The following PPP1R1C variants were observed in gnomAD, a reference collection of about 807,000 sequenced individuals.
PPP1R1C encodes protein phosphatase 1 regulatory subunit 1C.
A neutral mutation model predicts 17.4 loss-of-function variants in PPP1R1C; 15 were observed. That is an observed-to-expected ratio of 0.86 (90% CI 0.58 to 1.33). The LOEUF is 1.33. Among genes scored for constraint, PPP1R1C ranks in the 40% most tolerant of loss-of-function variants. The pLI, the probability that PPP1R1C is intolerant of heterozygous loss-of-function variation, is 0.00. For synonymous variants in PPP1R1C, 35 were observed against 43.1 expected, an observed-to-expected ratio of 0.81 and a Z score of 0.73; for missense variants, 143 against 130.0, an observed-to-expected ratio of 1.10 and a Z score of -0.48.
In PPP1R1C at chr2:182,090,969, T is replaced by G. The variant is rs188694896; in HGVS notation, c.242-26238T>G. 3.2e-3 allele frequency among the ~76,000 whole-genome samples: 489 copies of G among 152,252 alleles called. 5 individuals carry two copies. The highest frequency in any genetic ancestry group is 6.2e-3 in the Non-Finnish European group (421 of 67,984). ...AATTGTCCACAAGTCCTACCTTCCTTTCCCAGAAACAAGTAATCAAAACTG... is the reference window on the plus strand; with the variant it reads ...AATTGTCCACAAGTCCTACCTTCCTGTCCCAGAAACAAGTAATCAAAACTG... On this transcript the variant is annotated intron_variant, in intron 4 of 4. Transcript: ENST00000682840.
rs186464388 is a variant in PPP1R1C, at chr2:181,960,203, G to A, written n.111+5569G>A. Among the ~76,000 whole-genome samples the A allele has an allele frequency of 5.3e-5, 8 of 152,256 alleles. No individual in the cohort carries two copies. In the East Asian group the frequency reaches 7.7e-4, roughly 15 times the overall value. On this transcript the variant is annotated intron_variant and non_coding_transcript_variant, in intron 1 of 5. Transcript: ENST00000464264. ...ATTAAGACGTGGTGGTTGAAAGAAA[G>A]AAAACCAAAAATTATAGTGGAGAAC...
At chr2:182,072,867 C>T (rs914604790) in intron 4 of PPP1R1C, among the ~76,000 whole-genome samples, 9 of 152,238 alleles carry the variant, frequency 5.9e-5, no homozygotes, top group African/African-American at 2.2e-4. Flanking sequence ...TTCTCTCCCT[C>T]TCCCAGACAG....
intron 4 of PPP1R1C, among the ~76,000 whole-genome samples, chr2:182,076,736 A>G (rs1688324612): frequency 1.3e-5 from 2 of 152,166 alleles, no homozygotes; most frequent in Admixed American, 6.5e-5. Flanking sequence ...TCAATTATGT[A>G]TGGCTGTAGT....
intron 2 of PPP1R1C, among the ~76,000 whole-genome samples, chr2:182,043,676 G>T (rs969281549): frequency 1.3e-5 from 2 of 150,782 alleles, no homozygotes; most frequent in Non-Finnish European, 3.0e-5. Flanking sequence ...TTACCATGAG[G>T]TTTCCCCTCG....
intron 2 of PPP1R1C, among the ~76,000 whole-genome samples, chr2:181,989,532 T>G (rs1374104844): frequency 6.6e-6 from 1 of 152,180 alleles, no homozygotes; most frequent in Non-Finnish European, 1.5e-5. Flanking sequence ...GACTAGTCAT[T>G]CAGGCCCTAT....
chr2:181,984,814 C>T (rs886560675), upstream of PPP1R1C, among the ~76,000 whole-genome samples: 2 of 152,140 alleles, frequency 1.3e-5, no homozygotes, highest in Non-Finnish European at 2.9e-5. Flanking sequence ...GTATTCATCA[C>T]ATAATGCCTC....
intron 2 of PPP1R1C, among the ~76,000 whole-genome samples, chr2:181,992,554 C>T (rs1350733641): frequency 7.5e-6 from 1 of 134,012 alleles, no homozygotes; most frequent in Non-Finnish European, 1.7e-5. Context: ...ATTTAATGGA[C>T]CTGACGCCTA....
exon 6 of PPP1R1C, chr2:182,129,383 T>C (rs1478821563): frequency 4.6e-5 from 7 of 152,158 alleles, no homozygotes; most frequent in Admixed American, 3.9e-4. Flanking sequence ...TTTTTCAAAT[T>C]CCACTGTGTT....
chr2:181,989,165 C>G (rs1055891830), intron 2 of PPP1R1C, among the ~76,000 whole-genome samples: 2 of 152,180 alleles, frequency 1.3e-5, no homozygotes, highest in Non-Finnish European at 2.9e-5. Context: ...CCTCCCTATG[C>G]CTGCCTTAAG....
intron 3 of PPP1R1C, among the ~76,000 whole-genome samples, chr2:182,062,209 GA>G: frequency 6.6e-6 from 1 of 152,046 alleles, no homozygotes; most frequent in East Asian, 1.9e-4. Flanking sequence ...ATGTAGAATG[GA>G]CAAAATATCA....
downstream of PPP1R1C, among the ~76,000 whole-genome samples, chr2:182,118,863 C>T (rs1169604028): frequency 1.3e-5 from 2 of 151,040 alleles, no homozygotes; most frequent in African/African-American, 4.9e-5. Flanking sequence ...CCCCTTCTCC[C>T]TCTCCTTCTC....
Position 181,961,155 on chromosome 2 carries a change from A to C in PPP1R1C, n.111+6521A>C, listed in dbSNP as rs1684774100. ...CTTCCTTCCTTCCTTTCACCTCTGA[A>C]CTTTTTATTGACCTCCTGCTCCCCA... On this transcript the variant is annotated intron_variant and non_coding_transcript_variant, in intron 1 of 5. Transcript: ENST00000464264. This position sits in a 1 kb window ranked among gnomAD's most constrained non-coding sequence, Gnocchi z 5.8. 1.4e-6 allele frequency: 1 copy of C among 709,940 alleles called. No individual in the cohort carries two copies. Among genetic ancestry groups the C allele is most frequent in the Admixed American group, 2.0e-5 (1 of 50,302 alleles). The allele number at this position is 709,940 out of a possible 1,614,324, so 44.0% of individuals were successfully genotyped here.
chr2:182,022,399 G>A (rs1248207060), intron 2 of PPP1R1C, among the ~76,000 whole-genome samples: 3 of 152,124 alleles, frequency 2.0e-5, no homozygotes, highest in Non-Finnish European at 4.4e-5. Flanking sequence ...AGTAAAACCT[G>A]TAGGAAAGTA....
At chr2:182,127,254 G>C (rs963248562) in intron 5 of PPP1R1C, among the ~76,000 whole-genome samples, 5 of 152,032 alleles carry the variant, frequency 3.3e-5, no homozygotes, top group Admixed American at 2.0e-4. Context: ...AGAGGGGCTA[G>C]CATTTTCTGA....
chr2:182,131,031 G>A (rs565508833), downstream of PPP1R1C: 19 of 152,244 alleles, frequency 1.2e-4, no homozygotes, highest in East Asian at 2.3e-3. Flanking sequence ...GTTTTTTGTC[G>A]TATTGGCAGA....
chr2:182,029,397 G>T (rs1686741491), intron 2 of PPP1R1C, among the ~76,000 whole-genome samples: 1 of 151,864 alleles, frequency 6.6e-6, no homozygotes, highest in African/African-American at 2.4e-5. Flanking sequence ...AGCTCTTTTA[G>T]GGCAGGCCTG....
intron 4 of PPP1R1C, among the ~76,000 whole-genome samples, chr2:182,094,908 G>C (rs1042198371): frequency 3.3e-5 from 5 of 152,140 alleles, no homozygotes; most frequent in African/African-American, 1.2e-4. Context: ...CTTACTATGG[G>C]TTTATCACAA....
chr2:182,057,702 T>C (rs184573474), intron 2 of PPP1R1C, among the ~76,000 whole-genome samples: 1 of 152,274 alleles, frequency 6.6e-6, no homozygotes, highest in Non-Finnish European at 1.5e-5. Context: ...ATTCTCTTTG[T>C]AAGCTCACTC....
At chr2:182,061,502 T>A in intron 3 of PPP1R1C, 23 bp downstream of exon 3, 2 of 1,423,878 alleles carry the variant, frequency 1.4e-6, no homozygotes, top group African/African-American at 3.0e-5. Flanking sequence ...AAATATTTTG[T>A]ATAAATGTGT....
Sources: allele counts gnomAD v4.1 joint callset (sites outside exome capture counted in the v4.1 genomes callset), GRCh38; gene constraint gnomAD v4.1.1; non-coding constraint Gnocchi (gnomAD v3.1); transcripts MANE v1.5; gene names NCBI Gene and HGNC (gene_info 2026-07-23, HGNC 2026-07-21).